The following SBK1 variants were observed in gnomAD, a reference collection of about 807,000 sequenced individuals.
The protein encoded by SBK1 is serine/threonine-protein kinase SBK1.
A neutral mutation model predicts 24.4 loss-of-function variants in SBK1; 11 were observed. The observed-to-expected ratio is 0.45, with a 90% confidence interval of 0.28 to 0.75. The LOEUF is 0.75. SBK1 is among the 30% of genes least tolerant of loss of function. The pLI, the probability that SBK1 is intolerant of heterozygous loss-of-function variation, is 0.12. For missense variants in SBK1, 467 were observed against 620.5 expected (o/e 0.75, Z 2.63); for synonymous variants, 308 against 284.4 (o/e 1.08, Z -0.83).
Position 28,320,897 on chromosome 16 carries a change from C to A in SBK1, c.1251C>A (p.Ala417=). ...AGAGCAAAGGGCAGGTGGTGCTGGC[C>A]ACGGCCATCGAGATCTGCGTCTGAG... ...ADKSKGQVVL[A]TAIEICV is the part of the protein sequence containing the mutation. The change falls in exon 4 of 4, where the codon GCC becomes GCA. Residue 417 remains alanine, a synonymous_variant. Coordinates refer to ENST00000341901, the MANE Select transcript of SBK1 (RefSeq NM_001024401.3). This position sits in a 1 kb window ranked among gnomAD's most constrained non-coding sequence, Gnocchi z 8.5. 6.7e-7 allele frequency: 1 copy of A among 1,498,660 alleles called. No homozygotes were observed. Among genetic ancestry groups the A allele is most frequent in the Admixed American group, 2.0e-5 (1 of 50,092 alleles). The allele number at this position is 1,498,660 out of a possible 1,614,324, so 92.8% of individuals were successfully genotyped here.
At chr16:28,272,927 G>A (rs955744394) in intron 1 of SBK1, among the ~76,000 whole-genome samples, 4 of 151,380 alleles carry the variant, frequency 2.6e-5, no homozygotes, top group Non-Finnish European at 2.9e-5. Context: ...GCCTGTCATC[G>A]CATATTTTTA....
In SBK1 at chr16:28,320,293, C is replaced by T. The variant is rs1192178504; in HGVS notation, c.647C>T (p.Ala216Val). Residue 216 changes from alanine to valine, a missense_variant, in exon 4 of 4, where the codon GCG becomes GTG. Coordinates refer to ENST00000341901, the MANE Select transcript of SBK1 (RefSeq NM_001024401.3). This position sits in a 1 kb window ranked among gnomAD's most constrained non-coding sequence, Gnocchi z 8.5. ...KRVSGTIPYT[A>V]PEVCQAGRAD... ...GTGAGCGGCACCATCCCTTACACGG[C>T]GCCTGAGGTGTGCCAGGCGGGCCGC... 6.3e-7 allele frequency: 1 copy of T among 1,591,274 alleles called. No homozygotes were observed. Among genetic ancestry groups the T allele is most frequent in the Non-Finnish European group, 8.5e-7 (1 of 1,175,084 alleles).
In SBK1 at chr16:28,271,791, A is replaced by G. The variant is rs969499063; in HGVS notation, c.257+12289A>G. 9.8e-5 allele frequency among the ~76,000 whole-genome samples: 15 copies of G among 152,342 alleles called. 1 individual carries two copies. The highest frequency in any genetic ancestry group is 2.0e-4 in the Admixed American group (3 of 15,298). On this transcript the variant is annotated intron_variant, in intron 1 of 3. Coordinates refer to the SBK1 transcript ENST00000671413. Reference sequence around the variant, plus strand: ...AGGTAAACAAGTACTCCCCTCTCCAAAAAATGTTATCAAATCCAGGAAAAC... The same window carrying G: ...AGGTAAACAAGTACTCCCCTCTCCAGAAAATGTTATCAAATCCAGGAAAAC...
At position 28,293,010 on chromosome 16, in the gene SBK1, A is replaced by G. The variant is rs2044612541; in HGVS notation, c.-298A>G. The G allele has an allele frequency of 1.3e-5, 13 of 985,292 alleles. No individual in the cohort carries two copies. Among genetic ancestry groups the G allele is most frequent in the Non-Finnish European group, 1.6e-5 (13 of 829,920 alleles). The allele number at this position is 985,292 out of a possible 1,614,324, so 61.0% of individuals were successfully genotyped here. On this transcript the variant is annotated 5_prime_UTR_variant, in exon 1 of 4. Transcript: ENST00000341901. ...TCATTACAACTCCACACCTCAAGACAAGAAGACCCAGCTCAGAACGCCCCT... is the reference window on the plus strand; with the variant it reads ...TCATTACAACTCCACACCTCAAGACGAGAAGACCCAGCTCAGAACGCCCCT...
At position 28,318,975 on chromosome 16, in the gene SBK1, G is replaced by C; in HGVS notation, c.227-20G>C. The C allele has an allele frequency of 1.2e-6, 2 of 1,607,138 alleles. No individual in the cohort carries two copies. The highest frequency in any genetic ancestry group is 1.7e-6 in the Non-Finnish European group (2 of 1,173,666). On this transcript the variant is annotated intron_variant, in intron 2 of 3. Coordinates refer to ENST00000341901, the MANE Select transcript of SBK1 (RefSeq NM_001024401.3). ...CACTGGGAGAGGGGGCTTCAACCCT[G>C]TTGCTGTTGCTCCCATCAGGCACAA...
chr16:28,270,862 TA>T (rs2044460749), intron 1 of SBK1, among the ~76,000 whole-genome samples: 2 of 151,002 alleles, frequency 1.3e-5, no homozygotes, highest in East Asian at 1.9e-4. Flanking sequence ...TTTATTTATT[TA>T]TTTATTTATT....
At position 28,321,050 on chromosome 16, in the gene SBK1, G is replaced by GGTAGACTAGCCC; in HGVS notation, c.*130_*131insTAGACTAGCCCG. On this transcript the variant is annotated 3_prime_UTR_variant, in exon 4 of 4. Transcript: ENST00000341901. ...CGCAGCGGTAGACTAGGCAGGACGC[G>GGTAGACTAGCCC]GCCCGGCACCTGGTCCGTCCCCGGC... 1.1e-6 allele frequency: 1 copy of GGTAGACTAGCCC among 887,336 alleles called. No individual in the cohort carries two copies. The highest frequency in any genetic ancestry group is 1.5e-6 in the Non-Finnish European group (1 of 662,192). 55.0% of individuals were successfully genotyped at this position (887,336 alleles called of 1,614,324 possible). A position where few individuals can be genotyped will look rare whatever the true frequency, so the allele number is the denominator to read the frequency against.
chr16:28,259,349 C>A lies in SBK1; in HGVS notation c.104C>A (p.Ala35Asp). 1 of 559,034 alleles carries A rather than the reference C, an allele frequency of 1.8e-6. No individual in the cohort carries two copies. 34.6% of individuals were successfully genotyped at this position (559,034 alleles called of 1,614,324 possible). ...ACTCCTGCCCAGGCTGGCGATGATG[C>A]TGCGGAGGCCACCCCTGGCCACCCC... Residue 35 changes from alanine (A) to aspartate (D), a missense_variant, in exon 1 of 4, where the codon GCT becomes GAT. Coordinates refer to the SBK1 transcript ENST00000671413. The surrounding 1 kb of genome is among the most constrained non-coding windows in gnomAD (Gnocchi z 6.0).
chr16:28,302,967 G>C (rs1161499776), intron 1 of SBK1, among the ~76,000 whole-genome samples: 2 of 151,836 alleles, frequency 1.3e-5, no homozygotes, highest in African/African-American at 2.4e-5. Flanking sequence ...GGCATGGGGG[G>C]GGGTCAGGAG....
intron 1 of SBK1, among the ~76,000 whole-genome samples, chr16:28,301,053 G>A (rs573723459): frequency 6.6e-6 from 1 of 150,840 alleles, no homozygotes; most frequent in African/African-American, 2.5e-5. Context: ...CTTGTCCACT[G>A]GTAGACATTC....
Position 28,320,742 on chromosome 16 carries a change from G to A in SBK1, c.1096G>A (p.Ala366Thr). Residue 366 changes from alanine to threonine, a missense_variant, in exon 4 of 4, where the codon GCG becomes ACG. Transcript: ENST00000341901. The surrounding 1 kb of genome is among the most constrained non-coding windows in gnomAD (Gnocchi z 8.5). The part of the protein sequence containing the change: ...LTESGSGSRP[A>T]PPAVGSVPLP... The stretch of plus-strand genomic sequence containing the variant: ...CGAGAGCGGCAGCGGCTCCCGGCCC[G>A]CGCCCCCCGCCGTCGGGTCGGTGCC... 1.7e-6 allele frequency: 2 copies of A among 1,209,914 alleles called. No homozygotes were observed. Among genetic ancestry groups the A allele is most frequent in the Non-Finnish European group, 2.1e-6 (2 of 966,488 alleles). The allele number at this position is 1,209,914 out of a possible 1,614,324, so 74.9% of individuals were successfully genotyped here.
intron 1 of SBK1, among the ~76,000 whole-genome samples, chr16:28,307,349 A>C (rs2044724317): frequency 6.6e-6 from 1 of 152,054 alleles, no homozygotes; most frequent in African/African-American, 2.4e-5. Context: ...TCCATCCAAT[A>C]GGCGGCAGAG....
chr16:28,263,955 T>C (rs140374265), intron 1 of SBK1, among the ~76,000 whole-genome samples: 4 of 152,046 alleles, frequency 2.6e-5, no homozygotes, highest in African/African-American at 4.8e-5. Flanking sequence ...TGAGATCCTA[T>C]CCCTGCAAAA....
Position 28,319,954 on chromosome 16 carries a change from C to T in SBK1, c.430-122C>T. On this transcript the variant is annotated intron_variant, in intron 3 of 3. Transcript: ENST00000341901. This position sits in a 1 kb window ranked among gnomAD's most constrained non-coding sequence, Gnocchi z 4.0. The stretch of plus-strand genomic sequence containing the variant: ...TCCGGGCCGCGTCTGCGCGGTCGCC[C>T]CAGTTACTGGGGACAGGGTGGGAGG... The T allele has an allele frequency of 1.0e-6, 1 of 980,974 alleles. No individual in the cohort carries two copies. Among genetic ancestry groups the T allele is most frequent in the Non-Finnish European group, 1.4e-6 (1 of 701,042 alleles). 60.8% of individuals were successfully genotyped at this position (980,974 alleles called of 1,614,324 possible).
intron 1 of SBK1, among the ~76,000 whole-genome samples, chr16:28,313,831 C>T (rs1016939404): frequency 5.3e-5 from 8 of 151,934 alleles, no homozygotes; most frequent in African/African-American, 1.5e-4. Context: ...GAGGCTGGGT[C>T]GTGCCGAGAG....
At chr16:28,314,106 A>G (rs978488376) in intron 1 of SBK1, among the ~76,000 whole-genome samples, 6 of 151,692 alleles carry the variant, frequency 4.0e-5, no homozygotes, top group Non-Finnish European at 8.8e-5. Flanking sequence ...GCAAGAACGC[A>G]TCGGGAGAAG....
intron 1 of SBK1, among the ~76,000 whole-genome samples, chr16:28,282,594 A>G (rs2044540071): frequency 7.6e-6 from 1 of 132,300 alleles, no homozygotes; most frequent in South Asian, 2.5e-4. Context: ...TTTATCCCAG[A>G]GTCTTCACAT....
intron 1 of SBK1, among the ~76,000 whole-genome samples, chr16:28,301,369 GC>G (rs2044677603): frequency 1.3e-5 from 2 of 152,236 alleles, no homozygotes; most frequent in African/African-American, 4.8e-5. Context: ...GCTATTAATA[GC>G]CACCAAAGAT....
chr16:28,323,744 G>C lies in SBK1; in HGVS notation c.*2823G>C, dbSNP rs2044876349. The C allele has an allele frequency of 6.5e-6, 1 of 152,750 alleles. No individual in the cohort carries two copies. Among genetic ancestry groups the C allele is most frequent in the Non-Finnish European group, 1.5e-5 (1 of 68,054 alleles). The allele number at this position is 152,750 out of a possible 1,614,324, so 9.5% of individuals were successfully genotyped here. On this transcript the variant is annotated 3_prime_UTR_variant, in exon 4 of 4. Coordinates refer to ENST00000341901, the MANE Select transcript of SBK1 (RefSeq NM_001024401.3). ...CTTGCCGCCCTTCCTCCATGTGTTTGTAAATACTCTGGCATCCTTTGGCCC... is the reference window on the plus strand; with the variant it reads ...CTTGCCGCCCTTCCTCCATGTGTTTCTAAATACTCTGGCATCCTTTGGCCC...
Sources: allele counts gnomAD v4.1 joint callset (sites outside exome capture counted in the v4.1 genomes callset), GRCh38; gene constraint gnomAD v4.1.1; non-coding constraint Gnocchi (gnomAD v3.1); transcripts MANE v1.5; gene names NCBI Gene and HGNC (gene_info 2026-07-23, HGNC 2026-07-21).